Variants in SPATC1L observed in about 807,000 individuals in gnomAD.
SPATC1L encodes the protein speriolin-like protein.
In SPATC1L, 20 loss-of-function variants were observed where a neutral mutation model predicts 21.2. The ratio of observed to expected loss-of-function variants is 0.94; its 90% CI spans 0.66 to 1.37. The LOEUF is 1.37. SPATC1L is among the 40% of genes most tolerant of loss of function. The pLI is 0.00. For synonymous variants in SPATC1L, 290 were observed against 234.5 expected (o/e 1.24, Z -2.16); for missense variants, 499 against 478.7 (o/e 1.04, Z -0.40).
At chr21:46,178,258 C>CAAAAAAAAA (rs2079647210) in intron 2 of SPATC1L, among the ~76,000 whole-genome samples, 2 of 129,486 alleles carry the variant, frequency 1.5e-5, no homozygotes, top group Non-Finnish European at 3.5e-5. Flanking sequence ...AAAAAAAAAC[C>CAAAAAAAAA]AGAATGAGAT....
intron 3 of SPATC1L, among the ~76,000 whole-genome samples, chr21:46,165,718 C>T (rs1480722325): frequency 6.6e-6 from 1 of 152,190 alleles, no homozygotes; most frequent in Non-Finnish European, 1.5e-5. Flanking sequence ...TTTCCCTCCT[C>T]CTAGCCTCTC....
rs149391568 is a variant in SPATC1L, at chr21:46,161,583, C to A, written c.819G>T (p.Ala273=). ...KLGYSRDVHP[A]FSEFLINTYG... is the part of the protein sequence containing the mutation. ...AGGTGTTGATGAGGAACTCGCTGAACGCCGGGTGCACGTCGCGGCTGTAGC... is the reference window on the plus strand; with the variant it reads ...AGGTGTTGATGAGGAACTCGCTGAAAGCCGGGTGCACGTCGCGGCTGTAGC... The change falls in exon 5 of 5, where the codon GCG becomes GCT. Residue 273 remains alanine, a synonymous_variant. Transcript: ENST00000291672. 6.2e-7 allele frequency: 1 copy of A among 1,610,414 alleles called. No homozygotes were observed. Among genetic ancestry groups the A allele is most frequent in the South Asian group, 1.1e-5 (1 of 90,762 alleles).
In SPATC1L at chr21:46,162,029, C is replaced by G. The variant is rs368170225; in HGVS notation, c.583G>C (p.Val195Leu). The G allele has an allele frequency of 2.0e-5, 32 of 1,593,248 alleles. No individual in the cohort carries two copies. The highest frequency in any genetic ancestry group is 5.2e-5 in the Admixed American group (3 of 57,856). Residue 195 changes from valine (V) to leucine (L), a missense_variant, in exon 4 of 5, where the codon GTG becomes CTG. By Grantham distance (32) the Val-to-Leu change is conservative. Transcript: ENST00000291672. Reference protein sequence around the residue: ...SFAGAEKDARVVGEIAFQLDR... With the variant: ...SFAGAEKDARLVGEIAFQLDR... ...AGCTGGAAGGCGATCTCGCCCACCA[C>G]GCGCGCGTCCTTCTCGGCGCCCGCG...
intron 3 of SPATC1L, among the ~76,000 whole-genome samples, chr21:46,163,214 A>C (rs2079515904): frequency 6.6e-6 from 1 of 152,138 alleles, no homozygotes; most frequent in Admixed American, 6.6e-5. Context: ...AGAGTTCTTA[A>C]ATATTCTGCA....
chr21:46,175,413 G>C (rs1045142351), intron 2 of SPATC1L, among the ~76,000 whole-genome samples: 1 of 151,992 alleles, frequency 6.6e-6, no homozygotes, highest in African/African-American at 2.4e-5. Context: ...TATACCACTA[G>C]CTAGACTAAT....
intron 2 of SPATC1L, among the ~76,000 whole-genome samples, chr21:46,170,915 TC>T (rs1179926348): frequency 2.5e-4 from 12 of 48,224 alleles, no homozygotes; most frequent in African/African-American, 7.1e-4. Flanking sequence ...GGGAGGAGCC[TC>T]CTGCTCTGTG....
chr21:46,168,406 AG>A lies in SPATC1L; in HGVS notation c.445del (p.Leu149CysfsTer67), dbSNP rs767126089. The A allele has an allele frequency of 6.2e-7, 1 of 1,613,026 alleles. No individual in the cohort carries two copies. Among genetic ancestry groups the A allele is most frequent in the South Asian group, 1.1e-5 (1 of 90,948 alleles). Reference protein sequence around the residue: ...PLQDSLVDKTLLEPREMVRPK... With the variant: ...PLQDSLVDKTXLEPREMVRPK... ...CCGGACCATCTCCCTGGGCTCCAGC[AG>A]GGTCTTGTCCACCAGTGAGTCTTGC... On this transcript the variant is annotated frameshift_variant, in exon 3 of 5. Transcript: ENST00000291672. LOFTEE classifies it high-confidence loss of function.
chr21:46,162,364 C>T (rs966310524), intron 3 of SPATC1L, among the ~76,000 whole-genome samples: 5 of 152,048 alleles, frequency 3.3e-5, no homozygotes, highest in Non-Finnish European at 4.4e-5. Flanking sequence ...GCCCCAGCGT[C>T]GGCCCCTGCG....
chr21:46,178,157 G>A (rs112383910), intron 2 of SPATC1L, among the ~76,000 whole-genome samples: 14,801 of 151,028 alleles, frequency 0.098, 931 homozygotes, highest in African/African-American at 0.16. Flanking sequence ...GCTTGAAATC[G>A]GGAAGCGGAG....
In SPATC1L at chr21:46,181,269, C is replaced by T. The variant is rs571638057; in HGVS notation, c.193+1355G>A. 1.4e-3 allele frequency among the ~76,000 whole-genome samples: 206 copies of T among 152,312 alleles called. 9 individuals carry two copies. In the South Asian group the frequency reaches 0.041, roughly 30 times the overall value. ...TGCCCAGCAAACGCCCTGTGGTGAG[C>T]GTGGGGCTCAGTGGCCGCTGATGGA... On this transcript the variant is annotated intron_variant, in intron 2 of 4. Coordinates refer to ENST00000291672, the MANE Select transcript of SPATC1L (RefSeq NM_001142854.2).
intron 3 of SPATC1L, among the ~76,000 whole-genome samples, chr21:46,167,140 C>T (rs1448775496): frequency 6.6e-6 from 1 of 152,138 alleles, no homozygotes; most frequent in Non-Finnish European, 1.5e-5. Flanking sequence ...TATACCAACA[C>T]ATAGAAATTA....
chr21:46,169,339 CT>C (rs146917801), intron 2 of SPATC1L, among the ~76,000 whole-genome samples: 3 of 116,388 alleles, frequency 2.6e-5, no homozygotes, highest in African/African-American at 9.8e-5. Context: ...TGAGCATCCT[CT>C]GTGGATGGGG....
Position 46,162,051 on chromosome 21 carries a change from C to A in SPATC1L, c.561G>T (p.Ala187=), listed in dbSNP as rs772504883. 7.0e-6 allele frequency: 11 copies of A among 1,579,958 alleles called. No individual in the cohort carries two copies. Among genetic ancestry groups the A allele is most frequent in the Non-Finnish European group, 9.4e-6 (11 of 1,165,648 alleles). ...SYYLNEIQSF[A]GAEKDARVVG... is the part of the protein sequence containing the mutation. ...CCACGCGCGCGTCCTTCTCGGCGCC[C>A]GCGAAGCTCTGGATCTCTGGGGGAG... The change falls in exon 4 of 5, where the codon GCG becomes GCT. Residue 187 remains alanine, a synonymous_variant. Transcript: ENST00000291672.
Position 46,182,700 on chromosome 21 carries a change from G to A in SPATC1L, c.117C>T (p.Cys39=), listed in dbSNP as rs1196698133. 2 of 1,544,890 alleles carry A rather than the reference G, an allele frequency of 1.3e-6. No individual in the cohort carries two copies. The highest frequency in any genetic ancestry group is 1.7e-6 in the Non-Finnish European group (2 of 1,146,544). The change falls in exon 2 of 5, where the codon TGC becomes TGT. Residue 39 remains cysteine, a synonymous_variant. Transcript: ENST00000291672. The stretch of plus-strand genomic sequence containing the variant: ...GCAGGTCGTGGCCGCCGCCCTCCTG[G>A]CAGCTCTGGCTGAGCAGCCGCCGCA... ...QMLRRLLSQS[C]QEGGGHDLLP...
At chr21:46,162,412 AC>A (rs1324392074) in intron 3 of SPATC1L, among the ~76,000 whole-genome samples, 1 of 151,708 alleles carries the variant, frequency 6.6e-6, no homozygotes, top group Non-Finnish European at 1.5e-5. Context: ...CTGAGTTGGG[AC>A]GGGTCCCCTC....
chr21:46,181,126 C>G (rs1455325475), intron 2 of SPATC1L, among the ~76,000 whole-genome samples: 1 of 152,216 alleles, frequency 6.6e-6, no homozygotes, highest in Non-Finnish European at 1.5e-5. Flanking sequence ...GGGCACGCAG[C>G]CTGCGGCGGT....
intron 2 of SPATC1L, among the ~76,000 whole-genome samples, chr21:46,172,099 A>G (rs2330398): frequency 0.75 from 94,772 of 127,160 alleles, 37,695 homozygotes; most frequent in East Asian, 0.99. Flanking sequence ...AGCATGAGGC[A>G]GGAGTGCAGA....
chr21:46,162,447 G>T (rs536065318), intron 3 of SPATC1L, among the ~76,000 whole-genome samples: 2 of 152,244 alleles, frequency 1.3e-5, no homozygotes, highest in East Asian at 3.9e-4. Flanking sequence ...CGTGGAACAG[G>T]GCCGGTCGGC....
At chr21:46,184,286 C>G (rs2079706734) in intron 1 of SPATC1L, 70 bp downstream of exon 1, 1 of 154,142 alleles carries the variant, frequency 6.5e-6, no homozygotes, top group Non-Finnish European at 1.5e-5. Flanking sequence ...AGGCGTCTGT[C>G]CTCAGTCAGT....
Sources: gnomAD v4.1 joint callset for allele counts (sites outside exome capture counted in the v4.1 genomes callset) on GRCh38, gnomAD v4.1.1 for gene constraint, MANE v1.5 for transcripts, NCBI Gene and HGNC (gene_info 2026-07-23, HGNC 2026-07-21) for gene names.